Variants in EHBP1 observed in about 807,000 individuals in gnomAD.
EHBP1 encodes the protein EH domain-binding protein 1.
EHBP1 carries 55 observed loss-of-function variants against 144.0 expected under a neutral mutation model. The observed-to-expected ratio is 0.38, with a 90% CI of 0.31 to 0.48. The LOEUF (loss-of-function observed/expected upper bound fraction) is 0.48. EHBP1 is among the 20% of genes least tolerant of loss of function. The probability of loss-of-function intolerance (pLI) is 0.98; values close to 1 mark genes in which losing one functional copy is unlikely to be tolerated. For missense variants in EHBP1, 1,200 were observed against 1,364.2 expected, an observed-to-expected ratio of 0.88 and a Z score of 1.90; for synonymous variants, 469 against 472.7, an observed-to-expected ratio of 0.99 and a Z score of 0.10.
chr2:62,786,744 G>C (rs1259325780), intron 5 of EHBP1, among the ~76,000 whole-genome samples: 1 of 152,184 alleles, frequency 6.6e-6, no homozygotes. Context: ...TAAGTATATA[G>C]TTATGAAGAT....
intron 7 of EHBP1, among the ~76,000 whole-genome samples, chr2:62,843,469 A>G (rs901213476): frequency 6.7e-6 from 1 of 149,976 alleles, no homozygotes; most frequent in Non-Finnish European, 1.5e-5. Context: ...TGGGTGGGGC[A>G]GTGGGTGTCT....
intron 19 of EHBP1, among the ~76,000 whole-genome samples, chr2:63,006,761 T>C (rs996576865): frequency 6.6e-6 from 1 of 151,766 alleles, no homozygotes; most frequent in African/African-American, 2.4e-5. Flanking sequence ...AAAATTTTAT[T>C]TAATAAGACT....
intron 1 of EHBP1, among the ~76,000 whole-genome samples, chr2:62,682,657 G>T (rs1274672732): frequency 6.6e-6 from 1 of 152,180 alleles, no homozygotes; most frequent in Non-Finnish European, 1.5e-5. Flanking sequence ...CAGACAGATG[G>T]TACCAGCACA....
intron 14 of EHBP1, among the ~76,000 whole-genome samples, chr2:62,977,686 A>G (rs57002163): frequency 0.015 from 2,216 of 152,274 alleles, 62 homozygotes; most frequent in African/African-American, 0.051. Flanking sequence ...ATTATGTGCT[A>G]AAGACCAGAG....
chr2:62,778,141 G>A lies in EHBP1; in HGVS notation c.312+6749G>A, dbSNP rs374177353. On this transcript the variant is annotated intron_variant, in intron 5 of 22. Transcript: ENST00000431489. ...CTGTGACCCATGAGATAGGAAGTTC[G>A]GCTCCTCCAGGGCTCCACTAGTCCC... Among the ~76,000 whole-genome samples, 38 of 152,210 alleles carry A rather than the reference G, an allele frequency of 2.5e-4. No individual in the cohort carries two copies. In the East Asian group the frequency reaches 3.5e-3, roughly 14 times the overall value.
chr2:62,822,967 G>A (rs956296254), intron 5 of EHBP1, among the ~76,000 whole-genome samples: 3 of 152,084 alleles, frequency 2.0e-5, no homozygotes, highest in African/African-American at 7.2e-5. Context: ...AAATAATTTT[G>A]TGTAAGAACT....
chr2:62,963,542 TGTTA>T (rs764824927), intron 14 of EHBP1, among the ~76,000 whole-genome samples: 74 of 152,330 alleles, frequency 4.9e-4, no homozygotes, highest in Middle Eastern at 3.4e-3. Flanking sequence ...ATATTGGCTG[TGTTA>T]GTTAAATAGA....
At chr2:62,712,243 G>A (rs2151847387) in intron 2 of EHBP1, among the ~76,000 whole-genome samples, 1 of 152,308 alleles carries the variant, frequency 6.6e-6, no homozygotes, top group East Asian at 1.9e-4. Flanking sequence ...GGGTACATGG[G>A]TAGAGAAGCA....
chr2:62,820,307 A>G (rs2045830098), intron 5 of EHBP1, among the ~76,000 whole-genome samples: 1 of 152,110 alleles, frequency 6.6e-6, no homozygotes, highest in Non-Finnish European at 1.5e-5. Context: ...ATAAAAGTAA[A>G]AAGACTCACA....
intron 2 of EHBP1, among the ~76,000 whole-genome samples, chr2:62,710,303 G>A (rs2035019553): frequency 6.7e-6 from 1 of 150,188 alleles, no homozygotes; most frequent in African/African-American, 2.4e-5. Context: ...TATATGACAT[G>A]AATCATTATG....
At chr2:62,900,671 T>C (rs2053329029) in intron 10 of EHBP1, among the ~76,000 whole-genome samples, 1 of 149,490 alleles carries the variant, frequency 6.7e-6, no homozygotes, top group Non-Finnish European at 1.5e-5. Context: ...TTTTTGTGGG[T>C]GTGTGTGTAT....
At chr2:62,675,919 GT>G (rs11448793) in intron 1 of EHBP1, among the ~76,000 whole-genome samples, 1 of 151,656 alleles carries the variant, frequency 6.6e-6, no homozygotes. Flanking sequence ...TGGCCCACAA[GT>G]TTTTTTTTAT....
At chr2:62,851,527 AATG>A (rs1344998356) in intron 7 of EHBP1, among the ~76,000 whole-genome samples, 5 of 152,176 alleles carry the variant, frequency 3.3e-5, no homozygotes, top group African/African-American at 1.2e-4. Context: ...GTGCTATCTC[AATG>A]ATAATGTTTA....
intron 19 of EHBP1, among the ~76,000 whole-genome samples, chr2:63,004,505 T>C (rs1054688656): frequency 6.6e-6 from 1 of 152,024 alleles, no homozygotes; most frequent in African/African-American, 2.4e-5. Context: ...TATATGAAAA[T>C]AATTTATATT....
intron 14 of EHBP1, among the ~76,000 whole-genome samples, chr2:62,961,607 T>C (rs992317123): frequency 6.6e-6 from 1 of 152,230 alleles, no homozygotes; most frequent in African/African-American, 2.4e-5. Flanking sequence ...CCACCCAGTA[T>C]GTAATTCAAA....
At chr2:62,870,450 C>G (rs1428406256) in intron 9 of EHBP1, among the ~76,000 whole-genome samples, 1 of 151,974 alleles carries the variant, frequency 6.6e-6, no homozygotes, top group Non-Finnish European at 1.5e-5. Flanking sequence ...TGTGGTGGCT[C>G]ACACCTGTAA....
intron 2 of EHBP1, among the ~76,000 whole-genome samples, chr2:62,741,689 C>T (rs1215508092): frequency 6.6e-6 from 1 of 152,084 alleles, no homozygotes; most frequent in African/African-American, 2.4e-5. Context: ...AATTCCCGGT[C>T]TAGAATTCTC....
intron 10 of EHBP1, chr2:62,881,639 T>G (rs971566698): frequency 6.6e-6 from 1 of 152,300 alleles, no homozygotes; most frequent in African/African-American, 2.4e-5. Flanking sequence ...AATTTCAATT[T>G]TGTCACTTTG....
intron 10 of EHBP1, among the ~76,000 whole-genome samples, chr2:62,882,424 A>C (rs948005459): frequency 2.6e-5 from 4 of 152,240 alleles, no homozygotes; most frequent in African/African-American, 9.6e-5. Context: ...CACTAGCCAG[A>C]ATCAAGAAAC....
Sources: gnomAD v4.1 joint callset for allele counts (sites outside exome capture counted in the v4.1 genomes callset) on GRCh38, gnomAD v4.1.1 for gene constraint, MANE v1.5 for transcripts, NCBI Gene and HGNC (gene_info 2026-07-23, HGNC 2026-07-21) for gene names.